ULK4: variants seen among roughly 807,000 people sequenced by gnomAD.
The protein encoded by ULK4 is unc-51 like kinase 4, also known as inactive serine/threonine-protein kinase ULK4.
ULK4 carries 133 observed loss-of-function variants against 160.6 expected under a neutral mutation model. That is an observed-to-expected ratio of 0.83 (90% CI 0.72 to 0.96). ULK4 has a LOEUF of 0.96. ULK4 is among the 40% of genes least tolerant of loss of function. The pLI is 0.00. For synonymous variants in ULK4, 534 were observed against 539.8 expected, an observed-to-expected ratio of 0.99 and a Z score of 0.15; for missense variants, 1,580 against 1,499.5, an observed-to-expected ratio of 1.05 and a Z score of -0.89.
chr3:41,252,854 C>A (rs1193351451), intron 35 of ULK4, among the ~76,000 whole-genome samples: 3 of 151,944 alleles, frequency 2.0e-5, no homozygotes, highest in African/African-American at 4.8e-5. Context: ...ATAACCAAAT[C>A]CATCAAAATC....
intron 35 of ULK4, among the ~76,000 whole-genome samples, chr3:41,255,274 G>C (rs2078814008): frequency 6.6e-6 from 1 of 152,052 alleles, no homozygotes; most frequent in African/African-American, 2.4e-5. Context: ...CTAAGGTCAG[G>C]AGTTTGAGAC....
chr3:41,735,198 A>G (rs897581433), intron 22 of ULK4, among the ~76,000 whole-genome samples: 1 of 152,218 alleles, frequency 6.6e-6, no homozygotes, highest in Non-Finnish European at 1.5e-5. Flanking sequence ...CAAGCAGGCA[A>G]TTAGGAGTTA....
rs190908190 is a variant in ULK4 at position 41,762,749 on chromosome 3, G to A, written c.2194-8261C>T. Among the ~76,000 whole-genome samples the A allele has an allele frequency of 3.7e-3, 525 of 140,482 alleles. 4 individuals carry two copies. The highest frequency in any genetic ancestry group is 7.9e-3 in the Admixed American group (101 of 12,830). The allele number at this position is 140,482 out of a possible 152,430, so 92.2% of individuals were successfully genotyped here. A position where few individuals can be genotyped will look rare whatever the true frequency, so the allele number is the denominator to read the frequency against. ...ATGATATCGGCTCACTGCAAGCTCCGCCTCCCAGGTTCACGCCATTCTCCT... is the reference window on the plus strand; with the variant it reads ...ATGATATCGGCTCACTGCAAGCTCCACCTCCCAGGTTCACGCCATTCTCCT... On this transcript the variant is annotated intron_variant, in intron 21 of 36. Coordinates refer to ENST00000301831, the MANE Select transcript of ULK4 (RefSeq NM_017886.4).
intron 17 of ULK4, chr3:41,854,967 A>G (rs899747292): frequency 1.4e-5 from 2 of 141,856 alleles, no homozygotes; most frequent in African/African-American, 5.0e-5. Flanking sequence ...AAAAAAAAAA[A>G]AAAAAAAACT....
In ULK4 at chr3:41,740,799, A is replaced by T. The variant is rs1238254607; in HGVS notation, c.2321+13562T>A. The stretch of plus-strand genomic sequence containing the variant: ...GCTAGTGCAGTTTCAAGGGACAAGT[A>T]AGGAAGGAAGAACAATTTTCTGTAT... On this transcript the variant is annotated intron_variant, in intron 22 of 36. Coordinates refer to ENST00000301831, the MANE Select transcript of ULK4 (RefSeq NM_017886.4). Among the ~76,000 whole-genome samples, 10 of 152,064 alleles carry T rather than the reference A, an allele frequency of 6.6e-5. No homozygotes were observed. In the South Asian group the frequency reaches 2.1e-3, roughly 32 times the overall value.
chr3:41,352,930 G>A lies in ULK4; in HGVS notation c.3678+45149C>T, dbSNP rs77549484. On this transcript the variant is annotated intron_variant, in intron 35 of 36. Transcript: ENST00000301831. The stretch of plus-strand genomic sequence containing the variant: ...TTTTAATCTTAAGCAAAAGAGAGCA[G>A]TACCATCTTCCACCCAATTGGGTGT... Among the ~76,000 whole-genome samples the A allele has an allele frequency of 3.7e-3, 558 of 152,266 alleles. 3 individuals are homozygous for A. The highest frequency in any genetic ancestry group is 0.013 in the African/African-American group (526 of 41,552).
At chr3:41,408,861 A>G (rs1189756359) in intron 34 of ULK4, among the ~76,000 whole-genome samples, 1 of 152,224 alleles carries the variant, frequency 6.6e-6, no homozygotes, top group Non-Finnish European at 1.5e-5. Flanking sequence ...TAGAGGGAAA[A>G]TAGTATTCTC....
intron 17 of ULK4, among the ~76,000 whole-genome samples, chr3:41,872,671 G>A (rs187624860): frequency 2.0e-5 from 3 of 147,414 alleles, no homozygotes; most frequent in Non-Finnish European, 4.5e-5. Flanking sequence ...TTGGCAAGAG[G>A]GTAAGCCCAA....
intron 2 of ULK4, among the ~76,000 whole-genome samples, chr3:41,952,871 T>G (rs145623550): frequency 0.017 from 2,524 of 152,240 alleles, 29 homozygotes; most frequent in Non-Finnish European, 0.026. Flanking sequence ...GAAATATGAT[T>G]CAGTCTTAAA....
chr3:41,579,464 T>C (rs184395515), intron 31 of ULK4, among the ~76,000 whole-genome samples: 9 of 151,108 alleles, frequency 6.0e-5, no homozygotes, highest in African/African-American at 1.9e-4. Context: ...AGGCAGCTAT[T>C]CACTTCAATC....
At chr3:41,867,130 A>T (rs1696919950) in intron 17 of ULK4, among the ~76,000 whole-genome samples, 1 of 152,174 alleles carries the variant, frequency 6.6e-6, no homozygotes, top group Admixed American at 6.5e-5. Context: ...TATCGAGTTC[A>T]TTGAGTTCAG....
chr3:41,566,166 G>T (rs770530076), intron 31 of ULK4, 36 bp from the exon 32 acceptor site: 2 of 1,538,652 alleles, frequency 1.3e-6, no homozygotes, highest in East Asian at 2.3e-5. Context: ...TAACCATACA[G>T]AAATACAATT....
At chr3:41,782,260 T>C (rs2039868266) in intron 21 of ULK4, among the ~76,000 whole-genome samples, 2 of 152,106 alleles carry the variant, frequency 1.3e-5, no homozygotes, top group Admixed American at 6.6e-5. Flanking sequence ...AGCCATATTA[T>C]CAGAAACAGA....
At chr3:41,835,570 C>A (rs1003543055) in intron 18 of ULK4, among the ~76,000 whole-genome samples, 5 of 152,154 alleles carry the variant, frequency 3.3e-5, no homozygotes, top group African/African-American at 9.7e-5. Flanking sequence ...ATGGCAGCAA[C>A]CTTGGGAGTA....
chr3:41,903,108 T>C (rs1698431305), intron 12 of ULK4, among the ~76,000 whole-genome samples: 1 of 152,114 alleles, frequency 6.6e-6, no homozygotes, highest in Admixed American at 6.5e-5. Context: ...AAGTCAATGA[T>C]AGAGCAAAGG....
intron 17 of ULK4, among the ~76,000 whole-genome samples, chr3:41,848,939 T>C (rs567544392): frequency 6.4e-4 from 97 of 152,336 alleles, no homozygotes; most frequent in African/African-American, 2.2e-3. Flanking sequence ...CAGGGCCATG[T>C]GACTAGTTCT....
intron 30 of ULK4, among the ~76,000 whole-genome samples, chr3:41,618,533 A>C (rs144555962): frequency 2.0e-5 from 3 of 152,334 alleles, no homozygotes; most frequent in Non-Finnish European, 4.4e-5. Flanking sequence ...TAAGCTCCAT[A>C]AGTGAAGGAG....
intron 22 of ULK4, among the ~76,000 whole-genome samples, chr3:41,731,514 T>C (rs76310969): frequency 0.13 from 20,366 of 152,054 alleles, 4,442 homozygotes; most frequent in African/African-American, 0.46. Flanking sequence ...TCCATGTTCA[T>C]GGATTAGAAA....
intron 35 of ULK4, among the ~76,000 whole-genome samples, chr3:41,361,520 T>C (rs927568501): frequency 1.3e-5 from 2 of 152,180 alleles, no homozygotes; most frequent in African/African-American, 4.8e-5. Flanking sequence ...TTGTTGGACA[T>C]ACAAATAAAA....
Sources: allele counts gnomAD v4.1 joint callset (sites outside exome capture counted in the v4.1 genomes callset), GRCh38; gene constraint gnomAD v4.1.1; transcripts MANE v1.5; gene names NCBI Gene and HGNC (gene_info 2026-07-23, HGNC 2026-07-21).